The following ZNF385B variants were observed in gnomAD, a reference collection of about 807,000 sequenced individuals.
ZNF385B encodes the protein zinc finger protein 385B.
ZNF385B carries 23 observed loss-of-function variants against 39.2 expected under a neutral mutation model. The ratio of observed to expected loss-of-function variants is 0.59; its 90% CI spans 0.42 to 0.83. The LOEUF is 0.83. Among genes scored for constraint, ZNF385B ranks in the 40% least tolerant of loss-of-function variants. The pLI, the probability that ZNF385B is intolerant of heterozygous loss-of-function variation, is 0.00. For missense variants in ZNF385B, 552 were observed against 598.9 expected, an observed-to-expected ratio of 0.92 and a Z score of 0.82; for synonymous variants, 205 against 222.6, an observed-to-expected ratio of 0.92 and a Z score of 0.70.
intron 6 of ZNF385B, among the ~76,000 whole-genome samples, chr2:179,465,943 G>A (rs1574279494): frequency 6.6e-6 from 1 of 152,116 alleles, no homozygotes; most frequent in Non-Finnish European, 1.5e-5. Flanking sequence ...TGAGCAATAC[G>A]TTTGCTGAAA....
intron 1 of ZNF385B, among the ~76,000 whole-genome samples, chr2:179,829,586 T>C (rs1646413968): frequency 6.6e-6 from 1 of 152,116 alleles, no homozygotes; most frequent in Admixed American, 6.5e-5. Flanking sequence ...CTATCTCGGC[T>C]CACTGCAAGC....
intron 5 of ZNF385B, among the ~76,000 whole-genome samples, chr2:179,514,407 T>TTAA (rs1460223279): frequency 1.3e-5 from 2 of 152,236 alleles, no homozygotes; most frequent in Non-Finnish European, 2.9e-5. Context: ...ATTAGCTCCC[T>TTAA]TAATTCCATC....
At chr2:179,742,800 C>T (rs1702157793) in intron 3 of ZNF385B, among the ~76,000 whole-genome samples, 1 of 151,992 alleles carries the variant, frequency 6.6e-6, no homozygotes, top group Admixed American at 6.6e-5. Context: ...TCATGTTTCT[C>T]AACTAAAACA....
chr2:179,590,165 G>C (rs1324296160), intron 3 of ZNF385B, among the ~76,000 whole-genome samples: 1 of 152,144 alleles, frequency 6.6e-6, no homozygotes, highest in Non-Finnish European at 1.5e-5. Flanking sequence ...TCATCTTATA[G>C]GGTTATCAGC....
chr2:179,540,247 G>C (rs2059830592), intron 4 of ZNF385B, among the ~76,000 whole-genome samples: 1 of 152,118 alleles, frequency 6.6e-6, no homozygotes, highest in South Asian at 2.1e-4. Context: ...GGGAGTTGGA[G>C]ACCAGCCTGA....
intron 5 of ZNF385B, among the ~76,000 whole-genome samples, chr2:179,484,801 C>A (rs2054387877): frequency 6.6e-6 from 1 of 152,116 alleles, no homozygotes; most frequent in South Asian, 2.1e-4. Flanking sequence ...TTAATGAAGA[C>A]TTCCTAAATG....
intron 4 of ZNF385B, among the ~76,000 whole-genome samples, chr2:179,533,128 C>T (rs1346509258): frequency 1.3e-5 from 2 of 152,294 alleles, no homozygotes; most frequent in African/African-American, 4.8e-5. Context: ...TGTCACAATG[C>T]TTCTTTAGAA....
chr2:179,789,432 A>G (rs1476805668), intron 1 of ZNF385B, among the ~76,000 whole-genome samples: 1 of 152,212 alleles, frequency 6.6e-6, no homozygotes, highest in African/African-American at 2.4e-5. Flanking sequence ...TGATTTTCAA[A>G]TATATAAATG....
intron 4 of ZNF385B, among the ~76,000 whole-genome samples, chr2:179,527,021 C>T (rs539676355): frequency 6.6e-6 from 1 of 152,328 alleles, no homozygotes; most frequent in African/African-American, 2.4e-5. Flanking sequence ...ACTTCAGAAA[C>T]TAACAGACAG....
chr2:179,793,080 T>C (rs1705443834), intron 1 of ZNF385B, among the ~76,000 whole-genome samples: 1 of 152,318 alleles, frequency 6.6e-6, no homozygotes, highest in East Asian at 1.9e-4. Context: ...ACACATTTTG[T>C]CATAATCCCC....
chr2:179,729,020 T>A (rs1701202125), intron 3 of ZNF385B, among the ~76,000 whole-genome samples: 1 of 150,900 alleles, frequency 6.6e-6, no homozygotes, highest in Non-Finnish European at 1.5e-5. Flanking sequence ...CAAATTCTAA[T>A]GACATAGTGA....
chr2:179,667,365 T>G (rs1695299427), intron 3 of ZNF385B, among the ~76,000 whole-genome samples: 1 of 152,212 alleles, frequency 6.6e-6, no homozygotes, highest in African/African-American at 2.4e-5. Flanking sequence ...GTACTATGCA[T>G]GTGCTGCAAC....
At chr2:179,469,015 A>G (rs1419226611) in intron 6 of ZNF385B, among the ~76,000 whole-genome samples, 1 of 152,218 alleles carries the variant, frequency 6.6e-6, no homozygotes, top group Admixed American at 6.5e-5. Context: ...CTGCAGCCTT[A>G]TTACAACGTT....
intron 1 of ZNF385B, among the ~76,000 whole-genome samples, chr2:179,787,678 G>C (rs775350031): frequency 5.9e-5 from 9 of 152,148 alleles, no homozygotes; most frequent in Non-Finnish European, 1.0e-4. Flanking sequence ...AAACGGTCTA[G>C]GCTGTATCTT....
intron 1 of ZNF385B, among the ~76,000 whole-genome samples, chr2:179,829,726 G>A (rs1012339356): frequency 2.0e-5 from 3 of 152,116 alleles, no homozygotes; most frequent in South Asian, 2.1e-4. Context: ...TGTTAGCCAC[G>A]ATGGTCTCGA....
At chr2:179,535,159 TC>T (rs1205180643) in intron 4 of ZNF385B, among the ~76,000 whole-genome samples, 1 of 152,164 alleles carries the variant, frequency 6.6e-6, no homozygotes, top group African/African-American at 2.4e-5. Context: ...TATTTGTAAA[TC>T]ATAAGCCTGT....
intron 1 of ZNF385B, among the ~76,000 whole-genome samples, chr2:179,832,075 C>G (rs944477954): frequency 1.3e-5 from 2 of 152,194 alleles, no homozygotes; most frequent in African/African-American, 4.8e-5. Context: ...CTCCTTCCAT[C>G]GACAAGTCTC....
chr2:179,715,236 T>C (rs557652801), intron 3 of ZNF385B, among the ~76,000 whole-genome samples: 1 of 152,188 alleles, frequency 6.6e-6, no homozygotes, highest in African/African-American at 2.4e-5. Context: ...ACTTGAACCC[T>C]CCCCCAAACT....
intron 4 of ZNF385B, among the ~76,000 whole-genome samples, chr2:179,521,031 G>A (rs533250550): frequency 2.2e-3 from 332 of 152,118 alleles, no homozygotes; most frequent in Non-Finnish European, 4.0e-3. Flanking sequence ...ATACATTTAC[G>A]AATATCTAGT....
Sources: allele counts gnomAD v4.1 joint callset (sites outside exome capture counted in the v4.1 genomes callset), GRCh38; gene constraint gnomAD v4.1.1; transcripts MANE v1.5; gene names NCBI Gene and HGNC (gene_info 2026-07-23, HGNC 2026-07-21).